Variants in CHL1 observed in about 807,000 individuals in gnomAD.
CHL1 encodes the protein neural cell adhesion molecule L1-like protein.
CHL1 carries 96 observed loss-of-function variants against 141.9 expected under a neutral mutation model. The ratio of observed to expected loss-of-function variants is 0.68; its 90% CI spans 0.57 to 0.80. CHL1 has a LOEUF of 0.80. Among genes scored for constraint, CHL1 ranks in the 30% least tolerant of loss-of-function variants. The pLI, the probability that CHL1 is intolerant of heterozygous loss-of-function variation, is 0.00. For missense variants in CHL1, 1,820 were observed against 1,457.2 expected (o/e 1.25, Z -4.05); for synonymous variants, 613 against 502.2 (o/e 1.22, Z -2.95).
At chr3:223,044 A>G (rs1402943388) in intron 1 of CHL1, among the ~76,000 whole-genome samples, 1 of 152,198 alleles carries the variant, frequency 6.6e-6, no homozygotes, top group Non-Finnish European at 1.5e-5. Flanking sequence ...AATCCAGGAC[A>G]ATATCTCCCT....
At chr3:216,742 C>T (rs1700357318) in intron 1 of CHL1, among the ~76,000 whole-genome samples, 1 of 152,184 alleles carries the variant, frequency 6.6e-6, no homozygotes, top group African/African-American at 2.4e-5. Context: ...TAAATATGGC[C>T]AATCACAACA....
At chr3:272,192 GA>G (rs1315523901) in intron 2 of CHL1, among the ~76,000 whole-genome samples, 1 of 151,978 alleles carries the variant, frequency 6.6e-6, no homozygotes, top group Non-Finnish European at 1.5e-5. Flanking sequence ...ACTGTTATTT[GA>G]AACACATTAC....
At chr3:236,095 T>C (rs13091217) in intron 1 of CHL1, among the ~76,000 whole-genome samples, 76,369 of 151,998 alleles carry the variant, frequency 0.5, 20,723 homozygotes, top group Non-Finnish European at 0.61. Context: ...TGATAAGAGA[T>C]TTGGACCTTG....
At chr3:388,543 G>A (rs7634451) in intron 19 of CHL1, among the ~76,000 whole-genome samples, 8,112 of 118,614 alleles carry the variant, frequency 0.068, 809 homozygotes, top group African/African-American at 0.24. Flanking sequence ...GTGAAACTCC[G>A]TCTCAAGAAA....
intron 1 of CHL1, among the ~76,000 whole-genome samples, chr3:201,588 A>G (rs1698947543): frequency 6.6e-6 from 1 of 152,184 alleles, no homozygotes; most frequent in Admixed American, 6.6e-5. Context: ...GGTGAGATGA[A>G]TTCTCAAAAT....
At chr3:231,407 C>T (rs923975407) in intron 1 of CHL1, among the ~76,000 whole-genome samples, 1 of 151,898 alleles carries the variant, frequency 6.6e-6, no homozygotes, top group Non-Finnish European at 1.5e-5. Flanking sequence ...GTACAATTTC[C>T]TAGAGAACTG....
chr3:320,305 T>C (rs1271818555), intron 3 of CHL1, among the ~76,000 whole-genome samples: 1 of 151,962 alleles, frequency 6.6e-6, no homozygotes, highest in Non-Finnish European at 1.5e-5. Context: ...ATGAAAACAA[T>C]GAATTAGCAA....
chr3:355,694 G>A (rs969090669), intron 11 of CHL1, among the ~76,000 whole-genome samples: 2 of 152,096 alleles, frequency 1.3e-5, no homozygotes, highest in African/African-American at 2.4e-5. Flanking sequence ...TTCATCTTGA[G>A]GTGTTTTCTG....
intron 13 of CHL1, among the ~76,000 whole-genome samples, chr3:362,975 A>G (rs2293675): frequency 0.15 from 22,904 of 152,224 alleles, 2,190 homozygotes; most frequent in Non-Finnish European, 0.21. Flanking sequence ...GCTGGTGGCT[A>G]TGACAAATAC....
At chr3:251,892 C>A (rs574561610) in intron 2 of CHL1, among the ~76,000 whole-genome samples, 38 of 151,996 alleles carry the variant, frequency 2.5e-4, no homozygotes, top group Admixed American at 6.6e-4. Flanking sequence ...TGGTTGGTTT[C>A]TCAAATCATT....
chr3:315,776 G>A (rs142312656), intron 2 of CHL1, among the ~76,000 whole-genome samples: 1 of 152,022 alleles, frequency 6.6e-6, no homozygotes, highest in Admixed American at 6.6e-5. Context: ...GCATTGTCTG[G>A]GGTAAATACC....
chr3:234,942 T>A (rs1691807850), intron 1 of CHL1, among the ~76,000 whole-genome samples: 1 of 152,146 alleles, frequency 6.6e-6, no homozygotes, highest in Non-Finnish European at 1.5e-5. Flanking sequence ...TCCAGGCAGT[T>A]TTCACATGTA....
chr3:383,997 T>A (rs1707370293), intron 19 of CHL1, 111 bp downstream of exon 19: 1 of 671,114 alleles, frequency 1.5e-6, no homozygotes, highest in Non-Finnish European at 2.5e-6. Context: ...AAGATAAGAT[T>A]TGGAAATGAA....
chr3:378,850 C>T lies in CHL1; in HGVS notation c.1876+908C>T, dbSNP rs1015894215. ...TCAAGTCTCTCTCACACCCAACCTA[C>T]TGAACATCCTGCCCACATCTTTTTA... On this transcript the variant is annotated intron_variant, in intron 16 of 27. Coordinates refer to ENST00000256509, the MANE Select transcript of CHL1 (RefSeq NM_006614.4). 3.9e-5 allele frequency among the ~76,000 whole-genome samples: 6 copies of T among 152,218 alleles called. No individual in the cohort carries two copies. In the South Asian group the frequency reaches 8.3e-4, roughly 21 times the overall value.
At chr3:283,689 G>C (rs142988789) in intron 2 of CHL1, among the ~76,000 whole-genome samples, 11 of 152,206 alleles carry the variant, frequency 7.2e-5, no homozygotes, top group Admixed American at 2.6e-4. Context: ...TTCATTGTGT[G>C]GGTAACTACC....
chr3:363,594 A>C lies in CHL1; in HGVS notation c.1585+211A>C, dbSNP rs185107631. 32 of 433,876 alleles carry C rather than the reference A, an allele frequency of 7.4e-5. No homozygotes were observed. In the East Asian group the frequency reaches 1.2e-3, roughly 16 times the overall value. 26.9% of individuals were successfully genotyped at this position (433,876 alleles called of 1,614,324 possible). A position where few individuals can be genotyped will look rare whatever the true frequency, so the allele number is the denominator to read the frequency against. ...TATGTGCACAGCTTCATCCTATTTTAAGAGGCAGCCAGGTGTCTGTAGTGA... is the reference window on the plus strand; with the variant it reads ...TATGTGCACAGCTTCATCCTATTTTCAGAGGCAGCCAGGTGTCTGTAGTGA... On this transcript the variant is annotated intron_variant, in intron 14 of 27. Transcript: ENST00000256509.
intron 1 of CHL1, among the ~76,000 whole-genome samples, chr3:222,146 C>T (rs545273037): frequency 6.6e-6 from 1 of 152,262 alleles, no homozygotes; most frequent in Non-Finnish European, 1.5e-5. Flanking sequence ...TAACCAAGTT[C>T]CTCAAATTTA....
At chr3:399,737 A>C (rs912448586) in intron 26 of CHL1, among the ~76,000 whole-genome samples, 19 of 152,360 alleles carry the variant, frequency 1.2e-4, no homozygotes, top group African/African-American at 4.6e-4. Flanking sequence ...GTTGAGAGAC[A>C]TATCACTAGG....
At chr3:205,991 T>A (rs1268825952) in intron 1 of CHL1, among the ~76,000 whole-genome samples, 1 of 152,174 alleles carries the variant, frequency 6.6e-6, no homozygotes. Context: ...CAGTGCCCCC[T>A]CGATTAGCAG....
Sources: gnomAD v4.1 joint callset for allele counts (sites outside exome capture counted in the v4.1 genomes callset) on GRCh38, gnomAD v4.1.1 for gene constraint, MANE v1.5 for transcripts, NCBI Gene and HGNC (gene_info 2026-07-23, HGNC 2026-07-21) for gene names.